The following RGS6 variants were observed in gnomAD, a reference collection of about 807,000 sequenced individuals.
RGS6 encodes the protein regulator of G-protein signaling 6.
A neutral mutation model predicts 78.5 loss-of-function variants in RGS6; 30 were observed. The ratio of observed to expected loss-of-function variants is 0.38; its 90% confidence interval spans 0.29 to 0.52. The LOEUF is 0.52. RGS6 is among the 20% of genes least tolerant of loss of function. The pLI, the probability that RGS6 is intolerant of heterozygous loss-of-function variation, is 0.85. For synonymous variants in RGS6, 206 were observed against 206.0 expected, an observed-to-expected ratio of 1.00 and a Z score of 0.00; for missense variants, 495 against 609.7, an observed-to-expected ratio of 0.81 and a Z score of 1.98.
intron 2 of RGS6, among the ~76,000 whole-genome samples, chr14:72,292,057 A>G (rs941097425): frequency 9.9e-5 from 1 of 10,118 alleles, no homozygotes; most frequent in African/African-American, 2.4e-4. Context: ...TGAACACAGT[A>G]ACACGGTAGG....
intron 2 of RGS6, among the ~76,000 whole-genome samples, chr14:72,207,587 C>T (rs2043009526): frequency 6.6e-6 from 1 of 152,202 alleles, no homozygotes; most frequent in African/African-American, 2.4e-5. Flanking sequence ...GTTCATGTTT[C>T]CTCTGGCACA....
chr14:72,395,044 A>G (rs1372155187), intron 3 of RGS6, among the ~76,000 whole-genome samples: 1 of 152,224 alleles, frequency 6.6e-6, no homozygotes, highest in Admixed American at 6.5e-5. Context: ...TTATTTTAAA[A>G]GAAACAAAAT....
intron 2 of RGS6, among the ~76,000 whole-genome samples, chr14:72,175,962 C>T (rs182360741): frequency 1.2e-4 from 18 of 152,262 alleles, no homozygotes; most frequent in African/African-American, 3.9e-4. Flanking sequence ...CAAGAGATCC[C>T]CTACCTTGCT....
At chr14:72,511,054 TAG>T (rs2096872497) in intron 14 of RGS6, among the ~76,000 whole-genome samples, 1 of 152,204 alleles carries the variant, frequency 6.6e-6, no homozygotes, top group African/African-American at 2.4e-5. Flanking sequence ...CTTGTTTATT[TAG>T]ACTTTTATGG....
At chr14:72,023,115 G>A (rs760614253) in intron 2 of RGS6, among the ~76,000 whole-genome samples, 1 of 152,138 alleles carries the variant, frequency 6.6e-6, no homozygotes, top group African/African-American at 2.4e-5. Flanking sequence ...TTACCAACTT[G>A]CCATTTCCAT....
chr14:72,001,810 G>A (rs1328941971), intron 2 of RGS6, among the ~76,000 whole-genome samples: 4 of 150,050 alleles, frequency 2.7e-5, no homozygotes, highest in Non-Finnish European at 4.4e-5. Flanking sequence ...TTTCTCTGGA[G>A]ATATTTAGAG....
chr14:71,938,064 G>T (rs1252555512), intron 1 of RGS6, among the ~76,000 whole-genome samples: 7 of 152,190 alleles, frequency 4.6e-5, no homozygotes, highest in Admixed American at 1.3e-4. Flanking sequence ...GTGACGGGTG[G>T]CTGGGGAAAG....
chr14:72,204,850 C>T (rs2042353293), intron 2 of RGS6, among the ~76,000 whole-genome samples: 1 of 152,200 alleles, frequency 6.6e-6, no homozygotes, highest in Admixed American at 6.5e-5. Flanking sequence ...TTGCCTGCCT[C>T]ATAGTGCTGT....
At chr14:72,192,464 T>C (rs1475097524) in intron 2 of RGS6, among the ~76,000 whole-genome samples, 1 of 152,130 alleles carries the variant, frequency 6.6e-6, no homozygotes, top group East Asian at 1.9e-4. Context: ...GTTTTACAAC[T>C]CAGAAACTCA....
intron 6 of RGS6, among the ~76,000 whole-genome samples, chr14:72,463,806 G>T (rs536209389): frequency 1.3e-5 from 2 of 152,316 alleles, no homozygotes; most frequent in African/African-American, 2.4e-5. Context: ...TCTGCCAGGG[G>T]TCCAAGAGAC....
chr14:72,279,928 C>T (rs1218923686), intron 2 of RGS6, among the ~76,000 whole-genome samples: 1 of 152,206 alleles, frequency 6.6e-6, no homozygotes, highest in Non-Finnish European at 1.5e-5. Context: ...AGAGATCAAA[C>T]AAGATTCTTA....
chr14:72,365,130 T>C (rs1596313247), intron 3 of RGS6, among the ~76,000 whole-genome samples: 1 of 152,162 alleles, frequency 6.6e-6, no homozygotes, highest in East Asian at 1.9e-4. Flanking sequence ...TGTACCTTTG[T>C]AGTGGATCAA....
At chr14:72,154,347 T>A (rs1284108002) in intron 2 of RGS6, among the ~76,000 whole-genome samples, 1 of 152,204 alleles carries the variant, frequency 6.6e-6, no homozygotes, top group African/African-American at 2.4e-5. Flanking sequence ...CCTGAGGTGA[T>A]GTACCTCCTC....
chr14:72,049,688 A>G (rs924889116), intron 2 of RGS6, among the ~76,000 whole-genome samples: 5 of 152,092 alleles, frequency 3.3e-5, no homozygotes, highest in Non-Finnish European at 4.4e-5. Flanking sequence ...CAGTAGTTGG[A>G]GCTTTGTCTC....
the RGS6 span, among the ~76,000 whole-genome samples, chr14:72,593,213 G>A: frequency 2.0e-5 from 3 of 152,238 alleles, no homozygotes; most frequent in African/African-American, 4.8e-5. Flanking sequence ...TTCAAGTAAG[G>A]CTTCAGATCT....
chr14:72,283,198 T>C (rs1755548316), intron 2 of RGS6, among the ~76,000 whole-genome samples: 1 of 152,270 alleles, frequency 6.6e-6, no homozygotes, highest in South Asian at 2.1e-4. Flanking sequence ...AGGTTGTTTC[T>C]ATATCTTGAC....
intron 2 of RGS6, among the ~76,000 whole-genome samples, chr14:72,110,906 C>T (rs1244280730): frequency 6.6e-6 from 1 of 152,134 alleles, no homozygotes; most frequent in Non-Finnish European, 1.5e-5. Flanking sequence ...AGCCTCTGAC[C>T]TTGCTCTCCT....
At chr14:72,385,619 G>A (rs1415809002) in intron 3 of RGS6, among the ~76,000 whole-genome samples, 1 of 152,142 alleles carries the variant, frequency 6.6e-6, no homozygotes, top group Non-Finnish European at 1.5e-5. Context: ...GTGAGGGTGA[G>A]ACTAAGGAAG....
rs1230074560 is a variant in RGS6, at chr14:72,562,655, A to T, written c.*188A>T. On this transcript the variant is annotated 3_prime_UTR_variant, in exon 18 of 18. Coordinates refer to ENST00000553525, the MANE Select transcript of RGS6 (RefSeq NM_001204424.2). ...TGGGGAGACCAGAAAGAAAGAGTCC[A>T]CAGAGCCTGGGCTGGGCCCGGTGGA... 2.0e-6 allele frequency: 3 copies of T among 1,535,892 alleles called. No homozygotes were observed. Among genetic ancestry groups the T allele is most frequent in the Non-Finnish European group, 2.6e-6 (3 of 1,146,868 alleles).
Sources: allele counts gnomAD v4.1 joint callset (sites outside exome capture counted in the v4.1 genomes callset), GRCh38; gene constraint gnomAD v4.1.1; transcripts MANE v1.5; gene names NCBI Gene and HGNC (gene_info 2026-07-23, HGNC 2026-07-21).